Variants in RBMS2 observed in about 807,000 individuals in gnomAD.
The protein encoded by RBMS2 is RNA binding motif single stranded interacting protein 2.
Under a neutral mutation model 58.4 loss-of-function variants are expected in RBMS2, and 38 were observed. The ratio of observed to expected loss-of-function variants is 0.65; its 90% CI spans 0.50 to 0.85. The LOEUF is 0.85. Among genes scored for constraint, RBMS2 ranks in the 40% least tolerant of loss-of-function variants. The pLI, the probability that RBMS2 is intolerant of heterozygous loss-of-function variation, is 0.00. For missense variants in RBMS2, 367 were observed against 503.7 expected, an observed-to-expected ratio of 0.73 and a Z score of 2.60; for synonymous variants, 151 against 180.7, an observed-to-expected ratio of 0.84 and a Z score of 1.32.
intron 9 of RBMS2, among the ~76,000 whole-genome samples, chr12:56,582,376 C>T (rs1194325639): frequency 6.6e-6 from 1 of 152,156 alleles, no homozygotes; most frequent in East Asian, 1.9e-4. Context: ...CACAAGTAAA[C>T]TCATGTTAAT....
rs1885237151 is a variant in RBMS2 at position 56,590,615 on chromosome 12, C to A, written c.*1482C>A. ...TGGACAAACAGTGCCTTTTGACACTCATGCAACTGTTGGGGAAGGACTGGA... is the reference window on the plus strand; with the variant it reads ...TGGACAAACAGTGCCTTTTGACACTAATGCAACTGTTGGGGAAGGACTGGA... On this transcript the variant is annotated 3_prime_UTR_variant, in exon 14 of 14. Coordinates refer to ENST00000262031, the MANE Select transcript of RBMS2 (RefSeq NM_002898.4). 6.6e-6 allele frequency: 1 copy of A among 152,234 alleles called. No individual in the cohort carries two copies. The allele number at this position is 152,234 out of a possible 1,614,324, so 9.4% of individuals were successfully genotyped here.
At chr12:56,559,803 A>G (rs1158471594) in intron 1 of RBMS2, among the ~76,000 whole-genome samples, 5 of 135,190 alleles carry the variant, frequency 3.7e-5, no homozygotes, top group Non-Finnish European at 7.7e-5. Flanking sequence ...GTCAGCCAAG[A>G]TCGGGCCACT....
At chr12:56,537,507 T>C (rs970458682) in intron 1 of RBMS2, among the ~76,000 whole-genome samples, 1 of 152,234 alleles carries the variant, frequency 6.6e-6, no homozygotes, top group Non-Finnish European at 1.5e-5. Context: ...ATGTTGTAGC[T>C]TGTGTCAGTG....
chr12:56,562,551 T>C lies in RBMS2; in HGVS notation c.201T>C (p.Thr67=), dbSNP rs992408099. The C allele has an allele frequency of 1.2e-6, 2 of 1,613,614 alleles. No homozygotes were observed. The highest frequency in any genetic ancestry group is 1.7e-5 in the Admixed American group (1 of 60,018). ...ACATCCGAGGATTGCAACCAGGCAC[T>C]ACTGACCAAGATCTTGTCAAGCTGT... ...NLYIRGLQPG[T]TDQDLVKLCQ... is the part of the protein sequence containing the mutation. Residue 67 remains threonine, a synonymous_variant, in exon 2 of 14, where the codon ACT becomes ACC. Transcript: ENST00000262031.
Position 56,589,387 on chromosome 12 carries a change from A to G in RBMS2, c.*254A>G. On this transcript the variant is annotated 3_prime_UTR_variant, in exon 14 of 14. Coordinates refer to ENST00000262031, the MANE Select transcript of RBMS2 (RefSeq NM_002898.4). The stretch of plus-strand genomic sequence containing the variant: ...TGCTACATTCAAGGAGATCAAAAAA[A>G]CTTTTCTTCTTTTGCAAAGAAAGCT... The G allele has an allele frequency of 2.0e-6, 2 of 1,017,280 alleles. No homozygotes were observed. Among genetic ancestry groups the G allele is most frequent in the South Asian group, 2.2e-5 (1 of 46,072 alleles). 63.0% of individuals were successfully genotyped at this position (1,017,280 alleles called of 1,614,324 possible). A position where few individuals can be genotyped will look rare whatever the true frequency, so the allele number is the denominator to read the frequency against.
chr12:56,582,421 A>G (rs1309386427), intron 9 of RBMS2, among the ~76,000 whole-genome samples: 1 of 152,162 alleles, frequency 6.6e-6, no homozygotes, highest in Non-Finnish European at 1.5e-5. Context: ...ATTTTTTCAT[A>G]TGAATACACA....
chr12:56,540,507 G>A lies in RBMS2; in HGVS notation c.66+18418G>A, dbSNP rs1001229071. ...TCCTGCCTTAGCCTTCCATGTAGCC[G>A]GGACTACAGGTGTACACTAACACAC... On this transcript the variant is annotated intron_variant, in intron 1 of 13. Transcript: ENST00000262031. Among the ~76,000 whole-genome samples the A allele has an allele frequency of 7.2e-5, 11 of 151,940 alleles. No homozygotes were observed. In the South Asian group the frequency reaches 1.5e-3, roughly 20 times the overall value.
At chr12:56,562,721 G>A in intron 2 of RBMS2, 138 bp downstream of exon 2, 1 of 973,054 alleles carries the variant, frequency 1.0e-6, no homozygotes, top group Non-Finnish European at 1.6e-6. Flanking sequence ...TGGGATTACA[G>A]ATGCATGCCA....
intron 1 of RBMS2, among the ~76,000 whole-genome samples, chr12:56,526,869 T>A (rs527748609): frequency 2.6e-5 from 4 of 152,258 alleles, no homozygotes; most frequent in Non-Finnish European, 5.9e-5. Context: ...TGTGTTATTA[T>A]AATTTAACTC....
At chr12:56,542,261 C>T (rs548261241) in intron 1 of RBMS2, among the ~76,000 whole-genome samples, 13 of 151,438 alleles carry the variant, frequency 8.6e-5, no homozygotes, top group Admixed American at 1.3e-4. Flanking sequence ...GACAGAGTTT[C>T]GCCATGTTGC....
intron 1 of RBMS2, among the ~76,000 whole-genome samples, chr12:56,560,219 G>A (rs1416123513): frequency 2.0e-5 from 3 of 149,680 alleles, no homozygotes; most frequent in South Asian, 2.1e-4. Context: ...TCTTGACTGC[G>A]TTTTATCTTT....
intron 1 of RBMS2, among the ~76,000 whole-genome samples, chr12:56,545,258 G>A (rs1483855876): frequency 1.3e-5 from 2 of 152,024 alleles, no homozygotes; most frequent in East Asian, 3.9e-4. Flanking sequence ...TCCTTTTTAT[G>A]GCTGAGTAGT....
At chr12:56,548,004 C>T (rs1236659694) in intron 1 of RBMS2, among the ~76,000 whole-genome samples, 1 of 152,068 alleles carries the variant, frequency 6.6e-6, no homozygotes, top group Non-Finnish European at 1.5e-5. Context: ...TTGTTAGTGA[C>T]TCCTTGTGGA....
chr12:56,525,679 C>T (rs1022763927), intron 1 of RBMS2, among the ~76,000 whole-genome samples: 3 of 147,022 alleles, frequency 2.0e-5, no homozygotes, highest in African/African-American at 7.5e-5. Flanking sequence ...TGTTTGTTTT[C>T]GAGACAGAGT....
At chr12:56,556,345 CT>C (rs1224485560) in intron 1 of RBMS2, among the ~76,000 whole-genome samples, 1 of 151,374 alleles carries the variant, frequency 6.6e-6, no homozygotes, top group Non-Finnish European at 1.5e-5. Flanking sequence ...CTGTAATCTC[CT>C]CTTATACTAA....
At chr12:56,535,839 C>G (rs1002139793) in intron 1 of RBMS2, among the ~76,000 whole-genome samples, 1 of 152,066 alleles carries the variant, frequency 6.6e-6, no homozygotes, top group Admixed American at 6.6e-5. Context: ...TAATGGCATA[C>G]TACTAGTATC....
chr12:56,542,734 G>A (rs11171889), intron 1 of RBMS2, among the ~76,000 whole-genome samples: 1 of 151,050 alleles, frequency 6.6e-6, no homozygotes, highest in African/African-American at 2.4e-5. Flanking sequence ...TTTTTTTGTA[G>A]AGGCAGGGTC....
At chr12:56,538,246 T>C (rs1024081904) in intron 1 of RBMS2, among the ~76,000 whole-genome samples, 5 of 151,876 alleles carry the variant, frequency 3.3e-5, no homozygotes, top group African/African-American at 1.2e-4. Flanking sequence ...TTGGCCAGGC[T>C]GGTGTCGAAC....
At position 56,571,807 on chromosome 12, in the gene RBMS2, G is replaced by A. The variant is rs754285706; in HGVS notation, c.494G>A (p.Arg165His). 2.7e-5 allele frequency: 43 copies of A among 1,594,496 alleles called. 1 individual carries two copies. The highest frequency in any genetic ancestry group is 9.1e-5 in the East Asian group (4 of 43,998). The change falls in exon 5 of 14, where the codon CGT (arginine) becomes CAT (histidine). Residue 165 changes from arginine (R) to histidine (H), a missense_variant. Physicochemically the swap from Arg to His is conservative, Grantham distance 29 (BLOSUM62 0). Around this residue, in one of 3 missense-constraint regions of RBMS2, gnomAD observed 54 missense variants for 110.4 expected, o/e 0.49. Transcript: ENST00000262031. ...LKPFGQVISTRILRDTSGTSR... is the reference protein window; with the variant it reads ...LKPFGQVISTHILRDTSGTSR... Reference sequence around the variant, plus strand: ...CCCTTTGGCCAGGTTATCTCCACCCGTATCCTTCGAGATACCAGTGGGACC... The same window carrying A: ...CCCTTTGGCCAGGTTATCTCCACCCATATCCTTCGAGATACCAGTGGGACC...
Sources: gnomAD v4.1 joint callset for allele counts (sites outside exome capture counted in the v4.1 genomes callset) on GRCh38, gnomAD v4.1.1 for gene constraint, gnomAD v4.1.1 regional missense constraint, MANE v1.5 for transcripts, NCBI Gene and HGNC (gene_info 2026-07-23, HGNC 2026-07-21) for gene names.